The following ADAMTSL3 variants were observed in gnomAD, a reference collection of about 807,000 sequenced individuals.
The protein encoded by ADAMTSL3 is ADAMTS like 3, also known as ADAMTS-like protein 3.
In ADAMTSL3, 128 loss-of-function variants were observed where a neutral mutation model predicts 201.7. The observed-to-expected ratio is 0.63, with a 90% CI of 0.55 to 0.73. ADAMTSL3 has a LOEUF of 0.73. ADAMTSL3 is among the 30% of genes least tolerant of loss of function. The pLI is 0.00. For synonymous variants in ADAMTSL3, 738 were observed against 748.4 expected (o/e 0.99, Z 0.23); for missense variants, 1,990 against 2,119.6 (o/e 0.94, Z 1.20).
At chr15:83,859,964 A>G (rs1234514861) in intron 8 of ADAMTSL3, among the ~76,000 whole-genome samples, 1 of 152,082 alleles carries the variant, frequency 6.6e-6, no homozygotes, top group Non-Finnish European at 1.5e-5. Context: ...GGAGTTTGAG[A>G]CAAGCCTGGG....
At chr15:83,672,064 A>T (rs1472150552) in intron 2 of ADAMTSL3, among the ~76,000 whole-genome samples, 1 of 152,194 alleles carries the variant, frequency 6.6e-6, no homozygotes, top group Non-Finnish European at 1.5e-5. Context: ...ACTCACTCGC[A>T]TTTGATGTCA....
At chr15:83,740,846 A>G (rs2062442981) in intron 3 of ADAMTSL3, among the ~76,000 whole-genome samples, 1 of 152,218 alleles carries the variant, frequency 6.6e-6, no homozygotes, top group Non-Finnish European at 1.5e-5. Flanking sequence ...ATTTATAACA[A>G]TTGAATATTT....
At chr15:83,823,040 C>T (rs892060946) in intron 6 of ADAMTSL3, among the ~76,000 whole-genome samples, 9 of 151,940 alleles carry the variant, frequency 5.9e-5, no homozygotes, top group Non-Finnish European at 8.8e-5. Context: ...CAAAAAAATA[C>T]GAAAACCAGT....
intron 8 of ADAMTSL3, among the ~76,000 whole-genome samples, chr15:83,866,177 C>T (rs1247773242): frequency 6.6e-6 from 1 of 152,192 alleles, no homozygotes; most frequent in Non-Finnish European, 1.5e-5. Flanking sequence ...TAAACTAGTT[C>T]AACCATTGTG....
intron 19 of ADAMTSL3, among the ~76,000 whole-genome samples, chr15:83,969,532 A>C (rs2067153867): frequency 6.6e-6 from 1 of 152,222 alleles, no homozygotes; most frequent in African/African-American, 2.4e-5. Context: ...CATACAATGA[A>C]ATATTTTACA....
chr15:83,871,259 C>T (rs897415168), intron 9 of ADAMTSL3, among the ~76,000 whole-genome samples: 2 of 152,200 alleles, frequency 1.3e-5, no homozygotes, highest in African/African-American at 4.8e-5. Context: ...CAGGGTCTCC[C>T]TGTGTTGCTC....
intron 4 of ADAMTSL3, among the ~76,000 whole-genome samples, chr15:83,779,835 G>A (rs757080300): frequency 3.9e-5 from 6 of 152,122 alleles, no homozygotes; most frequent in Admixed American, 3.3e-4. Context: ...TGACTTTGGG[G>A]TAAATAATGA....
At chr15:83,861,984 T>C (rs187915847) in intron 8 of ADAMTSL3, 12 of 152,202 alleles carry the variant, frequency 7.9e-5, no homozygotes, top group African/African-American at 2.6e-4. Flanking sequence ...CAAGCCTCAG[T>C]AGCCAATTCG....
At chr15:83,783,708 A>C (rs1355965556) in intron 4 of ADAMTSL3, among the ~76,000 whole-genome samples, 1 of 152,206 alleles carries the variant, frequency 6.6e-6, no homozygotes, top group Non-Finnish European at 1.5e-5. Flanking sequence ...CCATATACGG[A>C]AGTTTAATAG....
At chr15:83,820,659 T>C (rs1424426633) in intron 6 of ADAMTSL3, among the ~76,000 whole-genome samples, 5 of 152,230 alleles carry the variant, frequency 3.3e-5, no homozygotes, top group African/African-American at 1.2e-4. Flanking sequence ...TTGGGCACAA[T>C]GATTTATTTA....
At chr15:83,693,295 A>G (rs1189546775) in intron 2 of ADAMTSL3, among the ~76,000 whole-genome samples, 2 of 152,220 alleles carry the variant, frequency 1.3e-5, no homozygotes, top group Non-Finnish European at 2.9e-5. Context: ...GGGCAGAAGC[A>G]TGGCCAGGAG....
chr15:83,943,157 A>C (rs2142037907), intron 19 of ADAMTSL3, 75 bp downstream of exon 19: 1 of 1,485,484 alleles, frequency 6.7e-7, no homozygotes, highest in East Asian at 2.3e-5. Context: ...TATTTCCACA[A>C]GATCAGGCTG....
chr15:83,672,021 A>T (rs2061335659), intron 2 of ADAMTSL3, among the ~76,000 whole-genome samples: 2 of 152,202 alleles, frequency 1.3e-5, no homozygotes, highest in Admixed American at 1.3e-4. Flanking sequence ...AAGTTGTACC[A>T]TTAGTAGCCT....
chr15:83,789,016 G>A (rs1384117214), intron 4 of ADAMTSL3, among the ~76,000 whole-genome samples: 1 of 152,014 alleles, frequency 6.6e-6, no homozygotes, highest in African/African-American at 2.4e-5. Flanking sequence ...TCACCATGTT[G>A]GCCAGGTTGG....
In ADAMTSL3 at chr15:83,863,094, A is replaced by G. The variant is rs545580212; in HGVS notation, c.802+4254A>G. Among the ~76,000 whole-genome samples the G allele has an allele frequency of 5.3e-5, 8 of 152,354 alleles. No individual in the cohort carries two copies. The East Asian group carries it at 1.5e-3, about 29-fold the overall frequency. ...ACTATCCTAAATATATATGCACCCA[A>G]TACAGGAACACCCAGATTCATAAAG... On this transcript the variant is annotated intron_variant, in intron 8 of 29. Coordinates refer to ENST00000286744, the MANE Select transcript of ADAMTSL3 (RefSeq NM_207517.3).
In ADAMTSL3 at chr15:83,671,770, G is replaced by A. The variant is rs141737024; in HGVS notation, c.69+15940G>A. 3.5e-3 allele frequency among the ~76,000 whole-genome samples: 528 copies of A among 152,138 alleles called. 3 individuals are homozygous for A. Among genetic ancestry groups the A allele is most frequent in the African/African-American group, 0.012 (515 of 41,512 alleles). ...TAGTGGGGAGCAATCTAACTCTTTT[G>A]TTTTCTTGTCTCCTATTGATCTGTG... is the stretch of plus-strand genomic sequence containing the variant. On this transcript the variant is annotated intron_variant, in intron 2 of 29. Transcript: ENST00000286744.
intron 9 of ADAMTSL3, among the ~76,000 whole-genome samples, chr15:83,875,310 C>T (rs1484119130): frequency 6.6e-6 from 1 of 152,218 alleles, no homozygotes; most frequent in African/African-American, 2.4e-5. Flanking sequence ...ACTCCAGTGT[C>T]TCCCAAGAAT....
intron 3 of ADAMTSL3, among the ~76,000 whole-genome samples, chr15:83,765,518 G>A (rs1353282770): frequency 6.6e-6 from 1 of 152,134 alleles, no homozygotes; most frequent in African/African-American, 2.4e-5. Flanking sequence ...TAGTAGAACT[G>A]TACTATTCAT....
intron 8 of ADAMTSL3, among the ~76,000 whole-genome samples, chr15:83,864,418 A>G (rs552947999): frequency 6.6e-6 from 1 of 152,348 alleles, no homozygotes; most frequent in African/African-American, 2.4e-5. Context: ...ATCCACCATG[A>G]TCAAGTTGGC....
Sources: gnomAD v4.1 joint callset for allele counts (sites outside exome capture counted in the v4.1 genomes callset) on GRCh38, gnomAD v4.1.1 for gene constraint, MANE v1.5 for transcripts, NCBI Gene and HGNC (gene_info 2026-07-23, HGNC 2026-07-21) for gene names.